SLC4A10: variants seen among roughly 807,000 people sequenced by gnomAD.
SLC4A10 encodes sodium-driven chloride bicarbonate exchanger.
In SLC4A10, 42 loss-of-function variants were observed where a neutral mutation model predicts 137.7. The ratio of observed to expected loss-of-function variants is 0.30; its 90% CI spans 0.24 to 0.39. SLC4A10 has a LOEUF of 0.39. SLC4A10 is among the 10% of genes least tolerant of loss of function. The probability of loss-of-function intolerance (pLI) is 1.00; values close to 1 mark genes in which losing one functional copy is unlikely to be tolerated. For missense variants in SLC4A10, 925 were observed against 1,355.0 expected (o/e 0.68, Z 4.98); for synonymous variants, 474 against 464.1 (o/e 1.02, Z -0.27).
At chr2:161,682,526 T>C (rs1366391222) in intron 1 of SLC4A10, among the ~76,000 whole-genome samples, 1 of 152,158 alleles carries the variant, frequency 6.6e-6, no homozygotes, top group Non-Finnish European at 1.5e-5. Flanking sequence ...AGGATTTGAG[T>C]TCAATGAGAT....
chr2:161,963,659 G>T (rs1051413677), intron 21 of SLC4A10, among the ~76,000 whole-genome samples: 1 of 152,162 alleles, frequency 6.6e-6, no homozygotes, highest in Admixed American at 6.5e-5. Flanking sequence ...AGCTAAGGCA[G>T]AGACGTAGGT....
chr2:161,879,064 T>A, intron 8 of SLC4A10, 67 bp from the exon 9 acceptor site: 2 of 1,453,612 alleles, frequency 1.4e-6, no homozygotes, highest in Non-Finnish European at 1.9e-6. Flanking sequence ...TGAAGCACTG[T>A]GCAAGAATAT....
intron 1 of SLC4A10, among the ~76,000 whole-genome samples, chr2:161,728,802 T>C (rs1047117876): frequency 1.3e-5 from 2 of 152,088 alleles, no homozygotes; most frequent in African/African-American, 4.8e-5. Flanking sequence ...CGCAGATATC[T>C]TCAACAAAAC....
At chr2:161,753,747 C>T (rs989123091) in intron 1 of SLC4A10, among the ~76,000 whole-genome samples, 1 of 152,056 alleles carries the variant, frequency 6.6e-6, no homozygotes, top group African/African-American at 2.4e-5. Flanking sequence ...CTATAAATTG[C>T]AGGCAGAGAT....
chr2:161,925,384 G>A (rs920718970), intron 15 of SLC4A10, among the ~76,000 whole-genome samples: 6 of 151,956 alleles, frequency 3.9e-5, no homozygotes, highest in South Asian at 2.1e-4. Context: ...CTGTGGGATC[G>A]GTGGTGATAT....
At chr2:161,966,186 C>A in intron 23 of SLC4A10, among the ~76,000 whole-genome samples, 1 of 152,070 alleles carries the variant, frequency 6.6e-6, no homozygotes, top group South Asian at 2.1e-4. Flanking sequence ...GAAATTTATA[C>A]CAATATGGTT....
intron 26 of SLC4A10, among the ~76,000 whole-genome samples, chr2:161,978,081 C>T (rs1415392740): frequency 6.6e-6 from 1 of 152,000 alleles, no homozygotes; most frequent in Non-Finnish European, 1.5e-5. Flanking sequence ...TTAAATTTGT[C>T]CCTGTAAGAA....
intron 2 of SLC4A10, among the ~76,000 whole-genome samples, chr2:161,793,173 T>G (rs1194312730): frequency 6.6e-6 from 1 of 152,154 alleles, no homozygotes; most frequent in African/African-American, 2.4e-5. Flanking sequence ...AATTGACAGA[T>G]AAAATTGTAT....
At chr2:161,729,297 A>G (rs1207050733) in intron 1 of SLC4A10, among the ~76,000 whole-genome samples, 4 of 152,178 alleles carry the variant, frequency 2.6e-5, no homozygotes, top group Non-Finnish European at 4.4e-5. Context: ...AATCTAAAAA[A>G]CAAAGAACGC....
At chr2:161,899,757 C>T (rs917293115) in intron 11 of SLC4A10, among the ~76,000 whole-genome samples, 1 of 152,006 alleles carries the variant, frequency 6.6e-6, no homozygotes, top group Non-Finnish European at 1.5e-5. Context: ...CTCTTAAATC[C>T]CTTTATTAAT....
At chr2:161,956,365 G>A (rs1695666195) in intron 19 of SLC4A10, among the ~76,000 whole-genome samples, 1 of 152,034 alleles carries the variant, frequency 6.6e-6, no homozygotes, top group South Asian at 2.1e-4. Flanking sequence ...TTATTATACT[G>A]CCTCTCATAA....
At chr2:161,793,829 A>C (rs1294459717) in intron 2 of SLC4A10, among the ~76,000 whole-genome samples, 1 of 152,134 alleles carries the variant, frequency 6.6e-6, no homozygotes, top group African/African-American at 2.4e-5. Context: ...TGGCAGCCTT[A>C]TTAGCAAAAT....
At chr2:161,813,494 A>G (rs1465657562) in intron 3 of SLC4A10, among the ~76,000 whole-genome samples, 3 of 152,126 alleles carry the variant, frequency 2.0e-5, no homozygotes, top group African/African-American at 7.2e-5. Context: ...TGTAGGATAT[A>G]CTAAGTATCT....
At chr2:161,794,658 A>T (rs1473728065) in intron 2 of SLC4A10, among the ~76,000 whole-genome samples, 2 of 152,122 alleles carry the variant, frequency 1.3e-5, no homozygotes, top group Non-Finnish European at 2.9e-5. Flanking sequence ...AAAGAAAATG[A>T]GGTTGTTCCG....
At chr2:161,794,791 T>G (rs2054580847) in intron 2 of SLC4A10, among the ~76,000 whole-genome samples, 1 of 152,248 alleles carries the variant, frequency 6.6e-6, no homozygotes, top group African/African-American at 2.4e-5. Flanking sequence ...GTGGTTAAAT[T>G]CTTTCCCTAT....
Position 161,722,576 on chromosome 2 carries a change from A to G in SLC4A10, c.49-48397A>G, listed in dbSNP as rs560209616. Among the ~76,000 whole-genome samples, 5 of 152,240 alleles carry G rather than the reference A, an allele frequency of 3.3e-5. No individual in the cohort carries two copies. The East Asian group carries it at 5.8e-4, about 18-fold the overall frequency. On this transcript the variant is annotated intron_variant, in intron 1 of 26. Coordinates refer to ENST00000446997, the MANE Select transcript of SLC4A10 (RefSeq NM_001178015.2). ...GGAGCTCTGTCCCAGAGGAGCACCA[A>G]CCTGATGCTGGCCAGAATGCTCCTG...
intron 2 of SLC4A10, among the ~76,000 whole-genome samples, chr2:161,794,140 A>G (rs911900873): frequency 6.6e-6 from 1 of 152,180 alleles, no homozygotes; most frequent in Non-Finnish European, 1.5e-5. Context: ...TGAATCCTAA[A>G]TATTAAAGTA....
chr2:161,794,346 A>G (rs116228108), intron 2 of SLC4A10, among the ~76,000 whole-genome samples: 2,933 of 152,282 alleles, frequency 0.019, 63 homozygotes, highest in African/African-American at 0.055. Flanking sequence ...TGTATCGTAT[A>G]CTTAAAATCT....
rs751637683 is a variant in SLC4A10 at position 161,872,374 on chromosome 2, A to T, written c.848A>T (p.Asp283Val). ...NDVSRENSTV[D>V]FSKGLGGQQK... ...GTTAGCAGAGAAAACAGCACTGTTGACTTTAGCAAGGTGAGCTTTTCTCCC... is the reference window on the plus strand; with the variant it reads ...GTTAGCAGAGAAAACAGCACTGTTGTCTTTAGCAAGGTGAGCTTTTCTCCC... Residue 283 changes from aspartate to valine, a missense_variant, in exon 7 of 27, where the codon GAC (aspartate) becomes GTC (valine). Physicochemically the swap from Asp to Val is radical, Grantham distance 152. Transcript: ENST00000446997. 6.8e-6 allele frequency: 11 copies of T among 1,613,276 alleles called. No homozygotes were observed. Among genetic ancestry groups the T allele is most frequent in the Non-Finnish European group, 9.3e-6 (11 of 1,179,450 alleles).
Sources: allele counts gnomAD v4.1 joint callset (sites outside exome capture counted in the v4.1 genomes callset), GRCh38; gene constraint gnomAD v4.1.1; transcripts MANE v1.5; gene names NCBI Gene and HGNC (gene_info 2026-07-23, HGNC 2026-07-21).